The following MSN variants were observed in gnomAD, a reference collection of about 807,000 sequenced individuals.
MSN encodes the protein epididymis luminal protein 70.
Under a neutral mutation model 48.0 loss-of-function variants are expected in MSN, and 2 were observed. The observed-to-expected ratio is 0.04, with a 90% CI of 0.02 to 0.13. The LOEUF (loss-of-function observed/expected upper bound fraction) is 0.13. MSN is among the 10% of genes least tolerant of loss of function. The pLI is 1.00. For synonymous variants in MSN, 146 were observed against 166.9 expected (o/e 0.87, Z 0.97); for missense variants, 267 against 470.1 (o/e 0.57, Z 3.99).
intron 1 of MSN, among the ~76,000 whole-genome samples, chrX:65,611,755 G>A (rs2070322290): frequency 1.8e-5 from 2 of 110,914 alleles, no homozygotes; most frequent in African/African-American, 3.3e-5. Context: ...AGATCACATG[G>A]TAATTTGGTT....
At chrX:65,650,102 C>G (rs2070730944) in intron 1 of MSN, among the ~76,000 whole-genome samples, 1 of 95,386 alleles carries the variant, frequency 1.0e-5, no homozygotes, top group Admixed American at 1.2e-4. Context: ...CTCTGTCACC[C>G]AGGCTGGAGT....
upstream of MSN, among the ~76,000 whole-genome samples, chrX:65,665,897 A>G (rs954130925): frequency 1.2e-4 from 14 of 112,165 alleles, no homozygotes; most frequent in Non-Finnish European, 2.3e-4. Context: ...CTGGCTTACC[A>G]TCTGTGGTGC....
intron 1 of MSN, among the ~76,000 whole-genome samples, chrX:65,688,270 G>A (rs1369876627): frequency 8.9e-6 from 1 of 111,901 alleles, no homozygotes; most frequent in African/African-American, 3.3e-5. Context: ...TAGAGACAGG[G>A]TTTCACTGTG....
At chrX:65,607,923 C>T (rs749055751) in intron 1 of MSN, among the ~76,000 whole-genome samples, 1 of 111,273 alleles carries the variant, frequency 9.0e-6, no homozygotes, top group East Asian at 2.8e-4. Flanking sequence ...AAGTGATCTG[C>T]CCAAGTGAGC....
intron 1 of MSN, among the ~76,000 whole-genome samples, chrX:65,589,369 C>T (rs2070125667): frequency 8.9e-6 from 1 of 111,971 alleles, no homozygotes; most frequent in Admixed American, 9.5e-5. Flanking sequence ...CCAAGAGCCC[C>T]TGAAAGACAT....
At position 65,733,105 on chromosome X, in the gene MSN, C is replaced by G. The variant is rs2071639843; in HGVS notation, c.699-79C>G. On this transcript the variant is annotated intron_variant, in intron 6 of 12. Transcript: ENST00000360270. ...GAGAGACATAGAAGCTTGGAGGTGA[C>G]AGTGAGGGCAAGCCCCCAGTTCTCT... 5.9e-6 allele frequency: 4 copies of G among 674,812 alleles called. No homozygotes were observed. In the East Asian group the frequency reaches 1.4e-4, roughly 23 times the overall value. 55.6% of individuals were successfully genotyped at this position (674,812 alleles called of 1,213,427 possible).
rs950193162 is a variant in MSN at position 65,600,438 on chromosome X, A to G, written c.-22+11826A>G. On this transcript the variant is annotated intron_variant, in intron 1 of 3. Transcript: ENST00000609672. The stretch of plus-strand genomic sequence containing the variant: ...CTTCACATTGCTTCATGCATCTTAA[A>G]GTGCAGGAATAAGCATCTTTGCTCC... Among the ~76,000 whole-genome samples the G allele has an allele frequency of 4.5e-5, 5 of 112,006 alleles. No individual in the cohort carries two copies. The East Asian group carries it at 1.4e-3, about 31-fold the overall frequency.
At chrX:65,718,818 TAAA>T (rs55726908) in intron 2 of MSN, among the ~76,000 whole-genome samples, 3 of 75,184 alleles carry the variant, frequency 4.0e-5, no homozygotes, top group Admixed American at 1.4e-4. Context: ...ACTCTGTCTC[TAAA>T]AAAAAAAAAA....
chrX:65,671,276 G>A (rs2070938887), intron 1 of MSN, among the ~76,000 whole-genome samples: 1 of 110,002 alleles, frequency 9.1e-6, no homozygotes, highest in Admixed American at 9.8e-5. Flanking sequence ...CAGTCTTGGT[G>A]AAACACCTCT....
chrX:65,670,910 A>ATATATATATATATATATATT (rs2070930096), intron 1 of MSN, among the ~76,000 whole-genome samples: 1 of 26,252 alleles, frequency 3.8e-5, no homozygotes. Flanking sequence ...ATATATATAT[A>ATATATATATATATATATATT]TATATATATA....
intron 2 of MSN, among the ~76,000 whole-genome samples, chrX:65,722,965 G>GC (rs1569466909): frequency 9.1e-6 from 1 of 109,871 alleles, no homozygotes. Flanking sequence ...GAGGTAAAGG[G>GC]TTTTTTTTTC....
At chrX:65,672,711 G>C (rs2070954529) in intron 1 of MSN, among the ~76,000 whole-genome samples, 1 of 111,518 alleles carries the variant, frequency 9.0e-6, no homozygotes, top group Non-Finnish European at 1.9e-5. Context: ...CTTTAGGCAA[G>C]TCCTTTCTTC....
intron 1 of MSN, among the ~76,000 whole-genome samples, chrX:65,669,784 A>G (rs1006670021): frequency 3.6e-5 from 4 of 110,549 alleles, no homozygotes; most frequent in African/African-American, 1.3e-4. Context: ...ATAGAATCTT[A>G]ACCTGAAAGG....
chrX:65,681,585 T>C (rs1020519445), intron 1 of MSN, among the ~76,000 whole-genome samples: 7 of 112,302 alleles, frequency 6.2e-5, no homozygotes, highest in Non-Finnish European at 1.3e-4. Flanking sequence ...TGAGTGTAAG[T>C]ACAGAGAAAG....
chrX:65,682,312 A>C lies in MSN; in HGVS notation c.12+14459A>C, dbSNP rs1295479619. ...ATCTAAGCCAAATTCAAGGTCTTTG[A>C]GTGGAGAATCTCAATTAATTGCTTT... On this transcript the variant is annotated intron_variant, in intron 1 of 12. Transcript: ENST00000360270. 1.2e-4 allele frequency among the ~76,000 whole-genome samples: 14 copies of C among 112,163 alleles called. No homozygotes were observed. In the East Asian group the frequency reaches 3.9e-3, roughly 31 times the overall value.
At chrX:65,668,818 C>T (rs1415416903) in intron 1 of MSN, among the ~76,000 whole-genome samples, 2 of 112,083 alleles carry the variant, frequency 1.8e-5, no homozygotes, top group Non-Finnish European at 3.8e-5. Flanking sequence ...CTCAGAAAGG[C>T]CTGGTGACCA....
intron 1 of MSN, among the ~76,000 whole-genome samples, chrX:65,709,499 C>A (rs1206927378): frequency 8.9e-6 from 1 of 112,359 alleles, no homozygotes; most frequent in Non-Finnish European, 1.9e-5. Context: ...TCAGCTCACA[C>A]CTTCTGATTT....
At chrX:65,628,501 C>T (rs1348987155) in intron 1 of MSN, among the ~76,000 whole-genome samples, 4 of 111,516 alleles carry the variant, frequency 3.6e-5, no homozygotes, top group Non-Finnish European at 3.8e-5. Flanking sequence ...CCCTAGGCTG[C>T]ACGCAGCTCA....
At chrX:65,617,867 G>C (rs1342078846) in intron 1 of MSN, among the ~76,000 whole-genome samples, 7 of 109,283 alleles carry the variant, frequency 6.4e-5, no homozygotes, top group Non-Finnish European at 7.6e-5. Flanking sequence ...TCCCTCTACA[G>C]ACTGCTTTGA....
Sources: gnomAD v4.1 joint callset for allele counts (sites outside exome capture counted in the v4.1 genomes callset) on GRCh38, gnomAD v4.1.1 for gene constraint, MANE v1.5 for transcripts, NCBI Gene and HGNC (gene_info 2026-07-23, HGNC 2026-07-21) for gene names.